Variants in NOD1 observed in about 807,000 individuals in gnomAD.
The protein encoded by NOD1 is nucleotide binding oligomerization domain containing 1, also known as nucleotide-binding oligomerization domain-containing protein 1.
In NOD1, 70 loss-of-function variants were observed where a neutral mutation model predicts 81.2. The observed-to-expected ratio is 0.86, with a 90% CI of 0.71 to 1.05. The LOEUF (loss-of-function observed/expected upper bound fraction) is 1.05, where lower values mean the gene tolerates loss of function less well. Among genes scored for constraint, NOD1 ranks in the 50% least tolerant of loss-of-function variants. NOD1 has a pLI of 0.00. For synonymous variants in NOD1, 508 were observed against 526.9 expected (o/e 0.96, Z 0.49); for missense variants, 1,233 against 1,228.0 (o/e 1.00, Z -0.06).
At chr7:30,439,449 G>T (rs1056096805) in intron 9 of NOD1, among the ~76,000 whole-genome samples, 1 of 141,404 alleles carries the variant, frequency 7.1e-6, no homozygotes, top group African/African-American at 3.0e-5. Flanking sequence ...CCTGGGAAGC[G>T]CAAGGGATCA....
At chr7:30,438,473 G>C (rs745671950) in intron 9 of NOD1, among the ~76,000 whole-genome samples, 3 of 152,210 alleles carry the variant, frequency 2.0e-5, no homozygotes, top group Non-Finnish European at 4.4e-5. Context: ...TTAGAACCGT[G>C]TGTGGCTCAC....
At chr7:30,436,325 A>C (rs1187373949) in intron 10 of NOD1, among the ~76,000 whole-genome samples, 1 of 152,184 alleles carries the variant, frequency 6.6e-6, no homozygotes, top group Non-Finnish European at 1.5e-5. Flanking sequence ...TGCTCACACA[A>C]CAGTGGGCTG....
At position 30,467,971 on chromosome 7, in the gene NOD1, G is replaced by C. The variant is rs897733163; in HGVS notation, c.-351-7930C>G. ...CCTGCCTCGACCTCCCAAAGTGCTA[G>C]GATTACAGGAGTGAGCCACCGCACC... On this transcript the variant is annotated intron_variant, in intron 1 of 13. Transcript: ENST00000222823. This position sits in a 1 kb window ranked among gnomAD's most constrained non-coding sequence, Gnocchi z 4.5. 4.6e-5 allele frequency among the ~76,000 whole-genome samples: 7 copies of C among 152,108 alleles called. No individual in the cohort carries two copies. Among genetic ancestry groups the C allele is most frequent in the African/African-American group, 1.7e-4 (7 of 41,420 alleles).
intron 1 of NOD1, chr7:30,468,896 G>A (rs1434969346): frequency 1.0e-6 from 1 of 985,278 alleles, no homozygotes; most frequent in Non-Finnish European, 1.2e-6. Flanking sequence ...TGGATGTTCA[G>A]GGTTGTGGTG....
chr7:30,469,224 G>A (rs1192755335), intron 1 of NOD1: 8 of 985,308 alleles, frequency 8.1e-6, no homozygotes, highest in Admixed American at 1.2e-4. Context: ...ATAGGCAGCC[G>A]ACTCTGGAGA....
intron 6 of NOD1, among the ~76,000 whole-genome samples, chr7:30,450,742 T>G (rs1333948360): frequency 6.6e-6 from 1 of 152,236 alleles, no homozygotes; most frequent in East Asian, 1.9e-4. Flanking sequence ...AGGTTCTTTA[T>G]GCATTCTGGC....
intron 13 of NOD1, among the ~76,000 whole-genome samples, chr7:30,426,886 G>C (rs552937372): frequency 4.6e-5 from 7 of 152,154 alleles, no homozygotes; most frequent in African/African-American, 1.4e-4. Context: ...TCATGGCTTA[G>C]TGTAAGTGCT....
At chr7:30,458,397 A>C (rs1428450269) in intron 3 of NOD1, among the ~76,000 whole-genome samples, 2 of 152,092 alleles carry the variant, frequency 1.3e-5, no homozygotes, top group African/African-American at 4.8e-5. Flanking sequence ...TTGTAGTTCA[A>C]AAAAAAGCTC....
chr7:30,468,102 A>C (rs1163469479), intron 1 of NOD1, among the ~76,000 whole-genome samples: 1 of 152,224 alleles, frequency 6.6e-6, no homozygotes, highest in Non-Finnish European at 1.5e-5. Flanking sequence ...ATCAGTCCCC[A>C]CAAAAATAGT....
chr7:30,477,126 C>T (rs941415725), intron 1 of NOD1, among the ~76,000 whole-genome samples: 22 of 152,186 alleles, frequency 1.4e-4, no homozygotes, highest in African/African-American at 5.3e-4. Flanking sequence ...TGACAGAATC[C>T]GAGTTTTGAC....
intron 12 of NOD1, among the ~76,000 whole-genome samples, chr7:30,432,885 G>A (rs1471380206): frequency 6.6e-6 from 1 of 152,146 alleles, no homozygotes; most frequent in Non-Finnish European, 1.5e-5. Context: ...GGTCTGGGGA[G>A]GAGGACAGGG....
chr7:30,452,704 A>G lies in NOD1; in HGVS notation c.713T>C (p.Met238Thr), dbSNP rs745668197. The change falls in exon 6 of 14, where the codon ATG becomes ACG. Residue 238 changes from methionine to threonine, a missense_variant. Met to Thr is a moderately conservative substitution (Grantham distance 81). Coordinates refer to ENST00000222823, the MANE Select transcript of NOD1 (RefSeq NM_006092.4). ...VKFFFHFRCR[M>T]FSCFKESDRL... Reference sequence around the variant, plus strand: ...GTCACTTTCCTTGAAGCAGCTGAACATGCGGCAGCGAAAGTGGAAGAAGAA... The same window carrying G: ...GTCACTTTCCTTGAAGCAGCTGAACGTGCGGCAGCGAAAGTGGAAGAAGAA... 13 of 1,613,848 alleles carry G rather than the reference A, an allele frequency of 8.1e-6. No individual in the cohort carries two copies. In the Admixed American group the frequency reaches 1.0e-4, roughly 12 times the overall value.
chr7:30,471,435 T>C (rs570226854), intron 1 of NOD1, among the ~76,000 whole-genome samples: 1 of 152,322 alleles, frequency 6.6e-6, no homozygotes, highest in South Asian at 2.1e-4. Context: ...ACAGGGTCAG[T>C]GCAGATGCCT....
intron 11 of NOD1, among the ~76,000 whole-genome samples, chr7:30,434,380 G>C (rs1784207673): frequency 6.6e-6 from 1 of 152,186 alleles, no homozygotes; most frequent in East Asian, 1.9e-4. Flanking sequence ...AGGCATTTTT[G>C]ATCCTCACCA....
rs983108608 is a variant in NOD1, at chr7:30,453,202, G to A, written c.377-162C>T. ...ACTCCTCAGATGCAGGACCTGGGGA[G>A]CGTCACAGAGCCAGCATTCCTGACC... On this transcript the variant is annotated intron_variant, in intron 5 of 13. Coordinates refer to ENST00000222823, the MANE Select transcript of NOD1 (RefSeq NM_006092.4). Among the ~76,000 whole-genome samples the A allele has an allele frequency of 2.0e-5, 3 of 152,176 alleles. No individual in the cohort carries two copies. The East Asian group carries it at 5.8e-4, about 29-fold the overall frequency.
At chr7:30,465,979 T>G (rs1787653637) in intron 1 of NOD1, among the ~76,000 whole-genome samples, 2 of 152,398 alleles carry the variant, frequency 1.3e-5, no homozygotes, top group South Asian at 4.1e-4. Context: ...CATCTGCCTC[T>G]GCTCCTGTCC....
chr7:30,432,266 A>G (rs1230823817), intron 12 of NOD1, among the ~76,000 whole-genome samples: 3 of 152,178 alleles, frequency 2.0e-5, no homozygotes, highest in Non-Finnish European at 4.4e-5. Flanking sequence ...TTAGAAGACA[A>G]ACCCAATTTT....
rs1221335069 is a variant in NOD1 at position 30,433,190 on chromosome 7, A to C, written c.2622-11T>G. The C allele has an allele frequency of 6.2e-7, 1 of 1,608,190 alleles. No homozygotes were observed. The highest frequency in any genetic ancestry group is 8.5e-7 in the Non-Finnish European group (1 of 1,174,964). The stretch of plus-strand genomic sequence containing the variant: ...TCATTTTGGGTCAGCCTAAGGAAAA[A>C]AAAGGAAGTATTTACTCAAGAGAGC... On this transcript the variant is annotated splice_polypyrimidine_tract_variant and intron_variant, in intron 11 of 13. Transcript: ENST00000222823.
In NOD1 at chr7:30,453,046, G is replaced by A. The variant is rs1785959852; in HGVS notation, c.377-6C>T. 1 of 1,593,728 alleles carries A rather than the reference G, an allele frequency of 6.3e-7. No individual in the cohort carries two copies. Among genetic ancestry groups the A allele is most frequent in the Non-Finnish European group, 8.6e-7 (1 of 1,167,272 alleles). Reference sequence around the variant, plus strand: ...CTGCTGGGTATACCTGCTCACTGGAGGGAGGGGGTGGCAGGGCACAGCAGC... The same window carrying A: ...CTGCTGGGTATACCTGCTCACTGGAAGGAGGGGGTGGCAGGGCACAGCAGC... On this transcript the variant is annotated splice_region_variant and splice_polypyrimidine_tract_variant and intron_variant, in intron 5 of 13. Transcript: ENST00000222823.
Sources: allele counts gnomAD v4.1 joint callset (sites outside exome capture counted in the v4.1 genomes callset), GRCh38; gene constraint gnomAD v4.1.1; non-coding constraint Gnocchi (gnomAD v3.1); transcripts MANE v1.5; gene names NCBI Gene and HGNC (gene_info 2026-07-23, HGNC 2026-07-21).